KCNS1: variants seen among roughly 807,000 people sequenced by gnomAD.
KCNS1 encodes the protein delayed-rectifier potassium channel regulatory subunit KCNS1.
KCNS1 carries 26 observed loss-of-function variants against 33.1 expected under a neutral mutation model. The observed-to-expected ratio is 0.79, with a 90% CI of 0.58 to 1.09. The LOEUF is 1.09. KCNS1 is among the 50% of genes least tolerant of loss of function. KCNS1 has a pLI of 0.00. For synonymous variants in KCNS1, 299 were observed against 338.8 expected, an observed-to-expected ratio of 0.88 and a Z score of 1.29; for missense variants, 702 against 752.4, an observed-to-expected ratio of 0.93 and a Z score of 0.78.
intron 3 of KCNS1, 65 bp downstream of exon 3, chr20:45,097,597 C>T (rs984824475): frequency 6.1e-5 from 90 of 1,471,982 alleles, no homozygotes; most frequent in Non-Finnish European, 7.7e-5. Context: ...TGTAAGTTCA[C>T]CTGCTAACCT....
chr20:45,098,023 G>C lies in KCNS1; in HGVS notation c.749C>G (p.Ala250Gly). The C allele has an allele frequency of 1.3e-6, 2 of 1,506,326 alleles. No individual in the cohort carries two copies. Among genetic ancestry groups the C allele is most frequent in the Non-Finnish European group, 8.8e-7 (1 of 1,132,212 alleles). 93.3% of individuals were successfully genotyped at this position (1,506,326 alleles called of 1,614,324 possible). ...HSLPEYQARE[A>G]AAAVAAVAAG... Reference sequence around the variant, plus strand: ...GGCCACCGCAGCCACGGCGGCCGCCGCCTCGCGGGCCTGGTACTCGGGCAG... The same window carrying C: ...GGCCACCGCAGCCACGGCGGCCGCCCCCTCGCGGGCCTGGTACTCGGGCAG... The change falls in exon 3 of 4, where the codon GCG (alanine) becomes GGG (glycine). Residue 250 changes from alanine to glycine, a missense_variant. Coordinates refer to ENST00000537075, the MANE Select transcript of KCNS1 (RefSeq NM_001322799.2). The surrounding 1 kb of genome is among the most constrained non-coding windows in gnomAD (Gnocchi z 5.2).
At chr20:45,100,844 C>T (rs906539976) in intron 1 of KCNS1, 77 bp downstream of exon 1, 5 of 153,002 alleles carry the variant, frequency 3.3e-5, no homozygotes, top group African/African-American at 1.2e-4. Flanking sequence ...ACCAGGAGCC[C>T]CAGGCAGCCC....
chr20:45,097,772 A>G lies in KCNS1; in HGVS notation c.1000T>C (p.Phe334Leu). 2 of 1,613,230 alleles carry G rather than the reference A, an allele frequency of 1.2e-6. No individual in the cohort carries two copies. Among genetic ancestry groups the G allele is most frequent in the East Asian group, 4.5e-5 (2 of 44,876 alleles). The part of the protein sequence containing the change: ...VALGDQGGKE[F>L]GHLGKVVQVF... ...TGCACCACCTTGCCCAGGTGGCCGAACTCCTTGCCGCCCTGGTCGCCCAGT... is the reference window on the plus strand; with the variant it reads ...TGCACCACCTTGCCCAGGTGGCCGAGCTCCTTGCCGCCCTGGTCGCCCAGT... Residue 334 changes from phenylalanine (F) to leucine (L), a missense_variant, in exon 3 of 4, where the codon TTC becomes CTC. Coordinates refer to ENST00000537075, the MANE Select transcript of KCNS1 (RefSeq NM_001322799.2).
chr20:45,100,544 G>A (rs1981357467), intron 1 of KCNS1, among the ~76,000 whole-genome samples: 1 of 152,128 alleles, frequency 6.6e-6, no homozygotes, highest in Non-Finnish European at 1.5e-5. Context: ...CAAGTGACTT[G>A]TTCAAAATCA....
At chr20:45,096,729 C>A (rs1325526265) in intron 3 of KCNS1, among the ~76,000 whole-genome samples, 1 of 152,200 alleles carries the variant, frequency 6.6e-6, no homozygotes, top group African/African-American at 2.4e-5. Flanking sequence ...TCCACCTCTG[C>A]AAAGCAGTGA....
At chr20:45,100,695 C>T (rs769300573) in intron 1 of KCNS1, among the ~76,000 whole-genome samples, 1 of 152,246 alleles carries the variant, frequency 6.6e-6, no homozygotes, top group African/African-American at 2.4e-5. Flanking sequence ...TTAATCCCTA[C>T]ACCAACCCTG....
chr20:45,096,051 C>T (rs1428023564), intron 3 of KCNS1, among the ~76,000 whole-genome samples: 1 of 152,186 alleles, frequency 6.6e-6, no homozygotes, highest in Non-Finnish European at 1.5e-5. Flanking sequence ...CAAAGAATTA[C>T]CTGGTCCCAA....
chr20:45,095,646 T>C (rs1472530452), intron 3 of KCNS1, among the ~76,000 whole-genome samples: 2 of 152,250 alleles, frequency 1.3e-5, no homozygotes, highest in Non-Finnish European at 2.9e-5. Flanking sequence ...GAGCTTGTGA[T>C]TTTTACACTG....
At position 45,098,394 on chromosome 20, in the gene KCNS1, G is replaced by T. The variant is rs201080873; in HGVS notation, c.378C>A (p.Leu126=). The T allele has an allele frequency of 6.3e-7, 1 of 1,591,736 alleles. No homozygotes were observed. The change falls in exon 3 of 4, where the codon CTC becomes CTA. Residue 126 remains leucine, a synonymous_variant. Transcript: ENST00000537075. This position sits in a 1 kb window ranked among gnomAD's most constrained non-coding sequence, Gnocchi z 5.2. ...CAAAGGCGAAGACGCACAGCTCGTC[G>T]AGCACGTGCAGGTGGCCAGTGCGGT... The part of the protein sequence containing the change: ...HFYRTGHLHV[L]DELCVFAFGQ...
rs777666177 is a variant in KCNS1, at chr20:45,094,917, G to A, written c.1534C>T (p.Leu512=). 1 of 1,613,940 alleles carries A rather than the reference G, an allele frequency of 6.2e-7. No homozygotes were observed. Among genetic ancestry groups the A allele is most frequent in the South Asian group, 1.1e-5 (1 of 91,058 alleles). Residue 512 remains leucine (L), a synonymous_variant, in exon 4 of 4, where the codon CTA becomes TTA. Coordinates refer to ENST00000537075, the MANE Select transcript of KCNS1 (RefSeq NM_001322799.2). ...ETSQEGQSAD[L]ESQAPSEPPH... Reference sequence around the variant, plus strand: ...GGCTCACTGGGGGCCTGGCTCTCTAGATCTGCAGACTGTCCCTCCTGAGAG... The same window carrying A: ...GGCTCACTGGGGGCCTGGCTCTCTAAATCTGCAGACTGTCCCTCCTGAGAG...
intron 3 of KCNS1, among the ~76,000 whole-genome samples, chr20:45,097,059 G>C (rs1981207646): frequency 6.6e-6 from 1 of 152,258 alleles, no homozygotes; most frequent in African/African-American, 2.4e-5. Context: ...TCAGTAAACT[G>C]CAACCAGGCT....
intron 3 of KCNS1, among the ~76,000 whole-genome samples, chr20:45,096,698 T>C (rs1981195939): frequency 6.6e-6 from 1 of 152,188 alleles, no homozygotes; most frequent in Non-Finnish European, 1.5e-5. Flanking sequence ...ACAAGCACTG[T>C]CACCTCTGGG....
At position 45,098,185 on chromosome 20, in the gene KCNS1, G is replaced by C; in HGVS notation, c.587C>G (p.Ala196Gly). The change falls in exon 3 of 4, where the codon GCG (alanine) becomes GGG (glycine). Residue 196 changes from alanine (A) to glycine (G), a missense_variant. Around this residue, in one of 3 missense-constraint regions of KCNS1, gnomAD observed 374 missense variants for 352.3 expected, o/e 1.06. Coordinates refer to ENST00000537075, the MANE Select transcript of KCNS1 (RefSeq NM_001322799.2). The surrounding 1 kb of genome is among the most constrained non-coding windows in gnomAD (Gnocchi z 5.2). ...GCGGCGCAGGCGGCCACAGCGCGCC[G>C]CGCCATAGCGCGCCAGTTCTCGCTG... ...DVQRELARYGAARCGRLRRRL... is the reference protein window; with the variant it reads ...DVQRELARYGGARCGRLRRRL... 6.2e-7 allele frequency: 1 copy of C among 1,603,292 alleles called. No individual in the cohort carries two copies. The highest frequency in any genetic ancestry group is 8.5e-7 in the Non-Finnish European group (1 of 1,175,994).
Position 45,095,231 on chromosome 20 carries a change from G to C in KCNS1, c.1220C>G (p.Thr407Ser). 6.2e-7 allele frequency: 1 copy of C among 1,614,104 alleles called. No individual in the cohort carries two copies. The highest frequency in any genetic ancestry group is 8.5e-7 in the Non-Finnish European group (1 of 1,180,016). The change falls in exon 4 of 4, where the codon ACC becomes AGC. Residue 407 changes from threonine to serine, a missense_variant. Physicochemically the swap from Thr to Ser is moderately conservative, Grantham distance 58. This residue lies in a region of KCNS1 where 253 missense variants were observed against 327.4 expected (regional missense o/e 0.77). Transcript: ENST00000537075. ...AEKEEDVGFN[T>S]IPACWWWGTV... ...GCCCCACCACCAGCAGGCTGGGATG[G>C]TGTTAAAGCCCACGTCCTCCTCCTT...
At position 45,092,304 on chromosome 20, in the gene KCNS1, C is replaced by T. The variant is rs550708520; in HGVS notation, c.*2566G>A. 2.6e-5 allele frequency: 4 copies of T among 152,160 alleles called. No homozygotes were observed. The highest frequency in any genetic ancestry group is 1.9e-4 in the East Asian group (1 of 5,158). The allele number at this position is 152,160 out of a possible 1,614,324, so 9.4% of individuals were successfully genotyped here. ...AGCCATCTCCATACAAGCAGAAACACGTCCTGGGGCCCAGCTCTTTATTTG... is the reference window on the plus strand; with the variant it reads ...AGCCATCTCCATACAAGCAGAAACATGTCCTGGGGCCCAGCTCTTTATTTG... On this transcript the variant is annotated 3_prime_UTR_variant, in exon 4 of 4. Coordinates refer to ENST00000537075, the MANE Select transcript of KCNS1 (RefSeq NM_001322799.2).
chr20:45,094,874 T>C lies in KCNS1; in HGVS notation c.1577A>G (p.Tyr526Cys), dbSNP rs149956664. The change falls in exon 4 of 4, where the codon TAT becomes TGT. Residue 526 changes from tyrosine to cysteine, a missense_variant. Physicochemically the swap from Tyr to Cys is radical, Grantham distance 194. This residue lies in a region of KCNS1 where 75 missense variants were observed against 72.7 expected (regional missense o/e 1.03). Transcript: ENST00000537075. ...APSEPPHPQM[Y>C] ...GGGGGTCACGGATCCCTGGTTTTAA[T>C]ACATCTGAGGGTGTGGAGGCTCACT... 18 of 1,605,180 alleles carry C rather than the reference T, an allele frequency of 1.1e-5. 1 individual carries two copies. In the African/African-American group the frequency reaches 1.9e-4, roughly 17 times the overall value.
intron 3 of KCNS1, among the ~76,000 whole-genome samples, chr20:45,096,245 C>T (rs1256606774): frequency 6.6e-6 from 1 of 152,174 alleles, no homozygotes; most frequent in Non-Finnish European, 1.5e-5. Flanking sequence ...AGGGGCCTCA[C>T]TTTGAGTAGC....
chr20:45,099,971 ACTTGTGTGAC>A (rs1348624334), intron 1 of KCNS1, among the ~76,000 whole-genome samples: 1 of 152,184 alleles, frequency 6.6e-6, no homozygotes, highest in Non-Finnish European at 1.5e-5. Flanking sequence ...TAGCTCTATC[ACTTGTGTGAC>A]CTCAGGCCAG....
chr20:45,095,484 T>C, intron 3 of KCNS1, 144 bp from the exon 4 acceptor site: 1 of 733,122 alleles, frequency 1.4e-6, no homozygotes, highest in Non-Finnish European at 2.2e-6. Context: ...CCAGGTCCCC[T>C]GACTTTAAAC....
Sources: gnomAD v4.1 joint callset for allele counts (sites outside exome capture counted in the v4.1 genomes callset) on GRCh38, gnomAD v4.1.1 for gene constraint, gnomAD v4.1.1 regional missense constraint, Gnocchi (gnomAD v3.1) non-coding constraint, MANE v1.5 for transcripts, NCBI Gene and HGNC (gene_info 2026-07-23, HGNC 2026-07-21) for gene names.